Variants in PDE1C observed in about 807,000 individuals in gnomAD.
PDE1C encodes dual specificity calcium/calmodulin-dependent 3',5'-cyclic nucleotide phosphodiesterase 1C.
A neutral mutation model predicts 93.1 loss-of-function variants in PDE1C; 62 were observed. That is an observed-to-expected ratio of 0.67 (90% confidence interval 0.54 to 0.82). The LOEUF (loss-of-function observed/expected upper bound fraction) is 0.82, where lower values mean the gene tolerates loss of function less well. Among genes scored for constraint, PDE1C ranks in the 40% least tolerant of loss-of-function variants. PDE1C has a pLI of 0.00. For synonymous variants in PDE1C, 325 were observed against 310.1 expected (o/e 1.05, Z -0.50); for missense variants, 742 against 884.6 (o/e 0.84, Z 2.04).
intron 12 of PDE1C, among the ~76,000 whole-genome samples, chr7:31,826,399 G>A (rs1021342665): frequency 2.6e-5 from 4 of 152,200 alleles, no homozygotes; most frequent in Non-Finnish European, 5.9e-5. Flanking sequence ...TTAATACAGT[G>A]TTGTAATTGT....
intron 1 of PDE1C, among the ~76,000 whole-genome samples, chr7:32,273,389 A>C (rs1195963663): frequency 6.6e-6 from 1 of 152,246 alleles, no homozygotes; most frequent in East Asian, 1.9e-4. Flanking sequence ...TATTAACATA[A>C]ACCAAGAACT....
chr7:31,924,149 C>T (rs1293211523), intron 2 of PDE1C, among the ~76,000 whole-genome samples: 3 of 152,054 alleles, frequency 2.0e-5, no homozygotes. Flanking sequence ...TTAAAGGGAC[C>T]TGCTCTTTTT....
chr7:31,919,474 A>G (rs1191642178), intron 2 of PDE1C, among the ~76,000 whole-genome samples: 1 of 152,216 alleles, frequency 6.6e-6, no homozygotes, highest in East Asian at 1.9e-4. Context: ...AGTAACTACT[A>G]CACAAGTATT....
the PDE1C span, chr7:31,642,341 C>G: frequency 1.1e-6 from 1 of 918,460 alleles, no homozygotes; most frequent in Non-Finnish European, 1.6e-6. Context: ...ACCCAAACCT[C>G]ACTCACAGCT....
intron 6 of PDE1C, among the ~76,000 whole-genome samples, chr7:31,871,175 T>C (rs919774800): frequency 6.6e-6 from 1 of 151,894 alleles, no homozygotes; most frequent in African/African-American, 2.4e-5. Context: ...AATATCCATA[T>C]ATAGAAGAAT....
intron 3 of PDE1C, chr7:32,077,853 T>G: frequency 1.0e-6 from 1 of 984,446 alleles, no homozygotes; most frequent in Non-Finnish European, 1.2e-6. Flanking sequence ...ACAGGCATAC[T>G]TTATTATTAT....
At chr7:32,256,342 G>A (rs754678334) in intron 1 of PDE1C, among the ~76,000 whole-genome samples, 86 of 152,276 alleles carry the variant, frequency 5.6e-4, no homozygotes, top group Non-Finnish European at 7.6e-4. Flanking sequence ...TCCCACTGCA[G>A]CCCTGGAAGT....
In PDE1C at chr7:31,808,001, C is replaced by T. The variant is rs114022945; in HGVS notation, c.1891+1030G>A. On this transcript the variant is annotated intron_variant, in intron 16 of 17. Coordinates refer to ENST00000396191, the MANE Select transcript of PDE1C (RefSeq NM_001191057.4). ...TAAGACACCTGGAGTTAATTATTTG[C>T]ATTGTCTTTTTAGAAAAAGTTTGAG... Among the ~76,000 whole-genome samples, 469 of 151,766 alleles carry T rather than the reference C, an allele frequency of 3.1e-3. 6 individuals carry two copies. The highest frequency in any genetic ancestry group is 0.011 in the African/African-American group (445 of 41,420).
chr7:32,377,437 T>C (rs957085163), intron 1 of PDE1C, among the ~76,000 whole-genome samples: 1 of 152,210 alleles, frequency 6.6e-6, no homozygotes, highest in African/African-American at 2.4e-5. Context: ...TTAAGTAGCG[T>C]ATGGTTCCCC....
intron 3 of PDE1C, among the ~76,000 whole-genome samples, chr7:32,093,573 A>G (rs1275097385): frequency 6.6e-6 from 1 of 152,170 alleles, no homozygotes; most frequent in Non-Finnish European, 1.5e-5. Context: ...GGGTTGCACC[A>G]TTTGCTGGCC....
intron 6 of PDE1C, among the ~76,000 whole-genome samples, chr7:31,867,077 C>T (rs1228072133): frequency 6.6e-6 from 1 of 152,120 alleles, no homozygotes; most frequent in Non-Finnish European, 1.5e-5. Context: ...ATCCCCATAA[C>T]TCTGGAGCCC....
chr7:31,652,103 G>A, the PDE1C span: 2 of 1,268,130 alleles, frequency 1.6e-6, no homozygotes, highest in South Asian at 1.3e-5. Context: ...CACAGGAGAG[G>A]TGCATTAAAT....
chr7:32,065,825 C>T (rs547534786), intron 1 of PDE1C, among the ~76,000 whole-genome samples: 2 of 152,316 alleles, frequency 1.3e-5, no homozygotes, highest in African/African-American at 2.4e-5. Flanking sequence ...CTTCTCTGTA[C>T]ATCAATAGGG....
intron 2 of PDE1C, among the ~76,000 whole-genome samples, chr7:31,912,440 C>T (rs532855590): frequency 6.6e-6 from 1 of 151,964 alleles, no homozygotes; most frequent in Non-Finnish European, 1.5e-5. Context: ...AATCCCAGTA[C>T]TTTGGGAGGC....
chr7:32,278,119 C>T (rs1455546227), intron 1 of PDE1C, among the ~76,000 whole-genome samples: 1 of 58,904 alleles, frequency 1.7e-5, no homozygotes, highest in Non-Finnish European at 3.1e-5. Flanking sequence ...TTAAACACAA[C>T]GAGTTGCCAA....
At chr7:31,995,793 A>G (rs1289085078) in intron 2 of PDE1C, among the ~76,000 whole-genome samples, 2 of 152,148 alleles carry the variant, frequency 1.3e-5, no homozygotes, top group African/African-American at 4.8e-5. Flanking sequence ...GTCCAAAACA[A>G]ACAAAAAGCA....
chr7:32,012,836 T>C (rs1332228389), intron 2 of PDE1C, among the ~76,000 whole-genome samples: 1 of 152,238 alleles, frequency 6.6e-6, no homozygotes, highest in Non-Finnish European at 1.5e-5. Flanking sequence ...GCTCTACCTC[T>C]AACTTTGTTA....
chr7:31,794,160 C>T (rs1311269260), intron 16 of PDE1C, among the ~76,000 whole-genome samples: 3 of 151,624 alleles, frequency 2.0e-5, no homozygotes, highest in Admixed American at 1.3e-4. Flanking sequence ...AGACAGAAGA[C>T]ATTTGTGGGA....
chr7:32,258,999 T>A (rs984050054), intron 1 of PDE1C, among the ~76,000 whole-genome samples: 5 of 152,130 alleles, frequency 3.3e-5, no homozygotes, highest in Admixed American at 3.3e-4. Flanking sequence ...AGGTCCTCAG[T>A]AGGGTCCCCC....
Sources: gnomAD v4.1 joint callset for allele counts (sites outside exome capture counted in the v4.1 genomes callset) on GRCh38, gnomAD v4.1.1 for gene constraint, MANE v1.5 for transcripts, NCBI Gene and HGNC (gene_info 2026-07-23, HGNC 2026-07-21) for gene names.